Variants in SCMH1 observed in about 807,000 individuals in gnomAD.
The protein encoded by SCMH1 is polycomb protein SCMH1.
In SCMH1, 37 loss-of-function variants were observed where a neutral mutation model predicts 70.8. The ratio of observed to expected loss-of-function variants is 0.52; its 90% CI spans 0.40 to 0.69. SCMH1 has a LOEUF of 0.69. Among genes scored for constraint, SCMH1 ranks in the 30% least tolerant of loss-of-function variants. The pLI is 0.00. For synonymous variants in SCMH1, 292 were observed against 307.4 expected, an observed-to-expected ratio of 0.95 and a Z score of 0.52; for missense variants, 607 against 827.3, an observed-to-expected ratio of 0.73 and a Z score of 3.27.
At chr1:41,119,002 T>A (rs550468911) in intron 6 of SCMH1, among the ~76,000 whole-genome samples, 17 of 152,344 alleles carry the variant, frequency 1.1e-4, no homozygotes, top group Admixed American at 9.8e-4. Context: ...GTAGATATTA[T>A]CTTCATTTTA....
intron 8 of SCMH1, among the ~76,000 whole-genome samples, chr1:41,094,891 A>C (rs1250295618): frequency 6.6e-6 from 1 of 151,594 alleles, no homozygotes; most frequent in Non-Finnish European, 1.5e-5. Flanking sequence ...TCTGCCTCAA[A>C]AAAAAAAAAA....
rs138029636 is a variant in SCMH1, at chr1:41,060,233, G to C, written c.1105+10362C>G. On this transcript the variant is annotated intron_variant, in intron 10 of 14. Transcript: ENST00000337495. ...CCAAAAACCCTGACATCTACACCTA[G>C]GCATATCATTTTCAAACTACAAAAA... 5.0e-3 allele frequency among the ~76,000 whole-genome samples: 753 copies of C among 152,086 alleles called. 9 individuals carry two copies. Among genetic ancestry groups the C allele is most frequent in the African/African-American group, 0.017 (703 of 41,514 alleles).
intron 1 of SCMH1, among the ~76,000 whole-genome samples, chr1:41,193,201 T>C (rs988816521): frequency 6.6e-6 from 1 of 152,222 alleles, no homozygotes; most frequent in African/African-American, 2.4e-5. Flanking sequence ...TATCTATGTG[T>C]TTTTAGGTAT....
intron 8 of SCMH1, among the ~76,000 whole-genome samples, chr1:41,095,483 A>T (rs529657849): frequency 6.6e-6 from 1 of 152,198 alleles, no homozygotes; most frequent in Non-Finnish European, 1.5e-5. Context: ...AAAATTAGAC[A>T]TATTTCCTCT....
At chr1:41,155,274 C>G (rs1186182836) in intron 4 of SCMH1, among the ~76,000 whole-genome samples, 2 of 152,124 alleles carry the variant, frequency 1.3e-5, no homozygotes, top group Admixed American at 1.3e-4. Flanking sequence ...AAGAGGTCAC[C>G]TAGTTAAATG....
intron 6 of SCMH1, among the ~76,000 whole-genome samples, chr1:41,132,359 T>A (rs1461983353): frequency 6.6e-6 from 1 of 152,212 alleles, no homozygotes; most frequent in Non-Finnish European, 1.5e-5. Flanking sequence ...TTGAGAAGTG[T>A]CTGTTCATAT....
At chr1:41,158,972 C>G (rs1006756917) in intron 4 of SCMH1, among the ~76,000 whole-genome samples, 1 of 151,996 alleles carries the variant, frequency 6.6e-6, no homozygotes, top group South Asian at 2.1e-4. Flanking sequence ...ATAAATATGT[C>G]TAAATATGAA....
At chr1:41,045,862 G>A (rs889805427) in intron 12 of SCMH1, 1 of 152,444 alleles carries the variant, frequency 6.6e-6, no homozygotes, top group East Asian at 1.9e-4. Context: ...TTCCCATTGT[G>A]GGTCTGGTAT....
intron 8 of SCMH1, among the ~76,000 whole-genome samples, chr1:41,106,921 C>T (rs1173694954): frequency 6.6e-6 from 1 of 151,902 alleles, no homozygotes; most frequent in Non-Finnish European, 1.5e-5. Context: ...AACTCTTCAC[C>T]TTGTGATCCA....
intron 2 of SCMH1, among the ~76,000 whole-genome samples, chr1:41,167,102 A>G (rs1646460488): frequency 6.6e-6 from 1 of 152,262 alleles, no homozygotes; most frequent in South Asian, 2.1e-4. Flanking sequence ...TTAGATGATC[A>G]TGTGATTTTT....
chr1:41,126,649 C>A (rs947690758), intron 6 of SCMH1, among the ~76,000 whole-genome samples: 13 of 151,980 alleles, frequency 8.6e-5, no homozygotes, highest in East Asian at 3.8e-4. Flanking sequence ...CAAAAGTTAG[C>A]GTATTATATA....
chr1:41,051,836 TAAAA>T (rs542982478), intron 10 of SCMH1, among the ~76,000 whole-genome samples: 1 of 151,648 alleles, frequency 6.6e-6, no homozygotes, highest in Admixed American at 6.6e-5. Flanking sequence ...TGAAGAAAAT[TAAAA>T]AAAAATTTAG....
chr1:41,042,142 A>C (rs1461944701), intron 12 of SCMH1, among the ~76,000 whole-genome samples: 1 of 151,748 alleles, frequency 6.6e-6, no homozygotes, highest in Non-Finnish European at 1.5e-5. Context: ...GCTGGGCCAG[A>C]GTACCTCTGT....
At chr1:41,133,377 C>G (rs1642699767) in intron 6 of SCMH1, among the ~76,000 whole-genome samples, 1 of 152,012 alleles carries the variant, frequency 6.6e-6, no homozygotes, top group South Asian at 2.1e-4. Flanking sequence ...ATGAAAAGAA[C>G]TAGAGAAGCA....
intron 8 of SCMH1, among the ~76,000 whole-genome samples, chr1:41,099,963 AC>A (rs1336954158): frequency 6.6e-6 from 1 of 152,190 alleles, no homozygotes; most frequent in African/African-American, 2.4e-5. Flanking sequence ...CAGGAGAAAA[AC>A]AAAAGTTTAA....
rs530876558 is a variant in SCMH1 at position 41,077,497 on chromosome 1, G to A, written c.746-2046C>T. On this transcript the variant is annotated intron_variant, in intron 8 of 14. Coordinates refer to ENST00000337495, the Ensembl canonical transcript of SCMH1. ...GGTTTTAGGAGATAAGGTTCCACTA[G>A]AAGTAGGTAGTATACCCCAAATACA... Among the ~76,000 whole-genome samples, 14 of 152,274 alleles carry A rather than the reference G, an allele frequency of 9.2e-5. No homozygotes were observed. In the South Asian group the frequency reaches 2.9e-3, roughly 32 times the overall value.
At chr1:41,186,467 T>A (rs1234145506) in intron 1 of SCMH1, among the ~76,000 whole-genome samples, 1 of 152,214 alleles carries the variant, frequency 6.6e-6, no homozygotes, top group African/African-American at 2.4e-5. Flanking sequence ...AAATAAAGAA[T>A]ACAGATATTT....
At position 41,221,423 on chromosome 1, in the gene SCMH1, TAAG is replaced by T. The variant is rs1179055828; in HGVS notation, c.-118+20633_-118+20635del. 2.6e-5 allele frequency among the ~76,000 whole-genome samples: 4 copies of T among 151,630 alleles called. No homozygotes were observed. The East Asian group carries it at 7.7e-4, about 29-fold the overall frequency. On this transcript the variant is annotated intron_variant, in intron 1 of 14. Transcript: ENST00000337495. ...GGCCCAGCACTTTGGGTGGCTGAGG[TAAG>T]AAGATCACTTTGGCCCAGGAGTTCA...
chr1:41,239,561 C>T (rs1663078117), intron 1 of SCMH1, among the ~76,000 whole-genome samples: 1 of 152,192 alleles, frequency 6.6e-6, no homozygotes, highest in African/African-American at 2.4e-5. Context: ...TCTTTGTAAA[C>T]CCAGCTGAGC....
Sources: gnomAD v4.1 joint callset for allele counts (sites outside exome capture counted in the v4.1 genomes callset) on GRCh38, gnomAD v4.1.1 for gene constraint, MANE v1.5 for transcripts, NCBI Gene and HGNC (gene_info 2026-07-23, HGNC 2026-07-21) for gene names.